LRMDA: variants seen among roughly 807,000 people sequenced by gnomAD.
The protein encoded by LRMDA is leucine-rich melanocyte differentiation-associated protein.
Under a neutral mutation model 29.8 loss-of-function variants are expected in LRMDA, and 18 were observed. The ratio of observed to expected loss-of-function variants is 0.60; its 90% CI spans 0.42 to 0.90. LRMDA has a LOEUF of 0.90. Among genes scored for constraint, LRMDA ranks in the 40% least tolerant of loss-of-function variants. The pLI is 0.00. For synonymous variants in LRMDA, 125 were observed against 109.4 expected (o/e 1.14, Z -0.89); for missense variants, 273 against 273.9 (o/e 1.00, Z 0.02).
At chr10:76,390,504 C>CA (rs1287185717) in intron 6 of LRMDA, among the ~76,000 whole-genome samples, 1,923 of 95,106 alleles carry the variant, frequency 0.02, 37 homozygotes, top group African/African-American at 0.055. Flanking sequence ...TTAAGCAGAA[C>CA]AAAAAAAAAA....
At chr10:76,463,344 A>G (rs181615401) in intron 6 of LRMDA, among the ~76,000 whole-genome samples, 1 of 152,214 alleles carries the variant, frequency 6.6e-6, no homozygotes, top group African/African-American at 2.4e-5. Flanking sequence ...AAGTGACAAT[A>G]AATCAAAAGG....
intron 5 of LRMDA, among the ~76,000 whole-genome samples, chr10:76,213,393 G>C (rs187819171): frequency 6.6e-6 from 1 of 152,154 alleles, no homozygotes; most frequent in Non-Finnish European, 1.5e-5. Context: ...ATTTGAGAAG[G>C]GAAAGTAATT....
intron 5 of LRMDA, among the ~76,000 whole-genome samples, chr10:76,295,846 C>G (rs1011486165): frequency 1.3e-5 from 2 of 152,286 alleles, no homozygotes; most frequent in Middle Eastern, 3.4e-3. Flanking sequence ...AATTCCATTT[C>G]CTTCCTAAAG....
intron 6 of LRMDA, among the ~76,000 whole-genome samples, chr10:76,521,746 G>A (rs965714942): frequency 7.2e-5 from 11 of 151,840 alleles, no homozygotes; most frequent in Admixed American, 6.6e-4. Flanking sequence ...ATATTTTTTC[G>A]TTATTATTTA....
intron 6 of LRMDA, among the ~76,000 whole-genome samples, chr10:76,384,634 C>T (rs1054745094): frequency 9.9e-5 from 15 of 152,150 alleles, no homozygotes; most frequent in Non-Finnish European, 1.5e-4. Context: ...CAGGACTTTC[C>T]GTCCCAGGAA....
intron 2 of LRMDA, among the ~76,000 whole-genome samples, chr10:75,633,018 A>G (rs1841347352): frequency 6.6e-6 from 1 of 151,878 alleles, no homozygotes; most frequent in Non-Finnish European, 1.5e-5. Context: ...GGAGGGCTTG[A>G]GCGTGTGTTT....
At chr10:76,180,001 C>G (rs957222972) in intron 5 of LRMDA, among the ~76,000 whole-genome samples, 1 of 152,204 alleles carries the variant, frequency 6.6e-6, no homozygotes, top group Non-Finnish European at 1.5e-5. Context: ...GAATCTAGAT[C>G]TACCACAGGC....
chr10:76,169,632 A>G (rs1057045961), intron 5 of LRMDA, among the ~76,000 whole-genome samples: 1 of 152,182 alleles, frequency 6.6e-6, no homozygotes, highest in African/African-American at 2.4e-5. Flanking sequence ...TAATCTCTGT[A>G]ATAAGCCCAT....
intron 2 of LRMDA, among the ~76,000 whole-genome samples, chr10:75,617,081 A>T (rs141443042): frequency 9.9e-4 from 151 of 152,302 alleles, no homozygotes; most frequent in African/African-American, 3.3e-3. Context: ...ATTTGGGAAA[A>T]AGGCACTCTG....
At chr10:75,856,597 T>C (rs1224683595) in intron 2 of LRMDA, among the ~76,000 whole-genome samples, 1 of 152,126 alleles carries the variant, frequency 6.6e-6, no homozygotes, top group Non-Finnish European at 1.5e-5. Context: ...GATTATCCAA[T>C]AGATGCAGAA....
intron 5 of LRMDA, among the ~76,000 whole-genome samples, chr10:76,296,209 T>G (rs73289076): frequency 6.6e-6 from 1 of 152,198 alleles, no homozygotes; most frequent in African/African-American, 2.4e-5. Context: ...TTATATTAAC[T>G]ATCAAATAAG....
Position 75,545,893 on chromosome 10 carries a change from T to A in LRMDA, c.131+107399T>A, listed in dbSNP as rs73275590. 2.8e-3 allele frequency among the ~76,000 whole-genome samples: 428 copies of A among 152,300 alleles called. 2 individuals carry two copies. The highest frequency in any genetic ancestry group is 1.0e-2 in the African/African-American group (414 of 41,576). ...AAAATTCCAATGTGAGAGCTCTGGA[T>A]TCTGGAAGGTCTTAGGAAGAGTTAA... On this transcript the variant is annotated intron_variant, in intron 2 of 6. Transcript: ENST00000611255.
At chr10:75,710,848 G>A (rs1380847015) in intron 2 of LRMDA, among the ~76,000 whole-genome samples, 2 of 152,244 alleles carry the variant, frequency 1.3e-5, no homozygotes, top group Non-Finnish European at 2.9e-5. Flanking sequence ...CAAATTTGCA[G>A]TGATGCAAGG....
chr10:75,724,112 G>A (rs986177880), intron 2 of LRMDA, among the ~76,000 whole-genome samples: 3 of 152,050 alleles, frequency 2.0e-5, no homozygotes, highest in African/African-American at 7.2e-5. Flanking sequence ...TTCAGACTAG[G>A]GTACAGGACT....
chr10:76,317,645 C>G (rs1041339945), intron 5 of LRMDA, among the ~76,000 whole-genome samples: 1 of 152,214 alleles, frequency 6.6e-6, no homozygotes, highest in African/African-American at 2.4e-5. Context: ...ACATTCTCAG[C>G]TCACTGCAAC....
At chr10:76,225,970 T>C (rs934205554) in intron 5 of LRMDA, among the ~76,000 whole-genome samples, 2 of 143,806 alleles carry the variant, frequency 1.4e-5, no homozygotes, top group East Asian at 2.1e-4. Context: ...AATGAGAACA[T>C]GTGGTGTTTG....
chr10:75,919,196 C>T (rs1016177880), intron 2 of LRMDA, among the ~76,000 whole-genome samples: 12 of 152,186 alleles, frequency 7.9e-5, no homozygotes, highest in Admixed American at 7.2e-4. Flanking sequence ...AGCCTGGCCT[C>T]TGATTCCTGG....
chr10:76,223,713 C>A (rs961594364), intron 5 of LRMDA, among the ~76,000 whole-genome samples: 3 of 152,168 alleles, frequency 2.0e-5, no homozygotes, highest in Non-Finnish European at 4.4e-5. Context: ...ACCATGCTGA[C>A]ACCTGATTTG....
chr10:76,251,641 C>A (rs1365959425), intron 5 of LRMDA, among the ~76,000 whole-genome samples: 3 of 152,174 alleles, frequency 2.0e-5, no homozygotes, highest in Admixed American at 1.3e-4. Context: ...CTTCTGTCCT[C>A]CAGAGCCATT....
Sources: allele counts gnomAD v4.1 joint callset (sites outside exome capture counted in the v4.1 genomes callset), GRCh38; gene constraint gnomAD v4.1.1; transcripts MANE v1.5; gene names NCBI Gene and HGNC (gene_info 2026-07-23, HGNC 2026-07-21).